PRKCQ: variants seen among roughly 807,000 people sequenced by gnomAD.
The protein encoded by PRKCQ is protein kinase C theta type.
In PRKCQ, 41 loss-of-function variants were observed where a neutral mutation model predicts 91.2. The observed-to-expected ratio is 0.45, with a 90% CI of 0.35 to 0.58. The LOEUF (loss-of-function observed/expected upper bound fraction) is 0.58. PRKCQ is among the 20% of genes least tolerant of loss of function. The pLI, the probability that PRKCQ is intolerant of heterozygous loss-of-function variation, is 0.00. For missense variants in PRKCQ, 673 were observed against 896.5 expected (o/e 0.75, Z 3.18); for synonymous variants, 307 against 316.9 (o/e 0.97, Z 0.33).
intron 9 of PRKCQ, among the ~76,000 whole-genome samples, chr10:6,485,644 A>G (rs1436600330): frequency 6.6e-6 from 1 of 152,226 alleles, no homozygotes; most frequent in African/African-American, 2.4e-5. Context: ...CCAAAACAGT[A>G]AACAGCAGGC....
the PRKCQ span, among the ~76,000 whole-genome samples, chr10:6,403,136 C>T: frequency 6.6e-6 from 1 of 152,216 alleles, no homozygotes; most frequent in East Asian, 1.9e-4. Flanking sequence ...AGGCATAGCA[C>T]CGGGCACTGG....
At chr10:6,498,768 G>T (rs1441368644) in intron 4 of PRKCQ, among the ~76,000 whole-genome samples, 1 of 152,126 alleles carries the variant, frequency 6.6e-6, no homozygotes, top group Non-Finnish European at 1.5e-5. Flanking sequence ...AGGGCATATT[G>T]TTAGAGGGTG....
chr10:6,420,812 A>C, the PRKCQ span, among the ~76,000 whole-genome samples: 1 of 151,570 alleles, frequency 6.6e-6, no homozygotes, highest in Non-Finnish European at 1.5e-5. Flanking sequence ...TTTCAGAAAA[A>C]CTTCTCTCTC....
At chr10:6,526,958 G>C (rs150862362) in intron 1 of PRKCQ, among the ~76,000 whole-genome samples, 2,327 of 152,250 alleles carry the variant, frequency 0.015, 37 homozygotes, top group Non-Finnish European at 0.023. Flanking sequence ...GCAGCGTGCA[G>C]GGATTCCGAT....
At chr10:6,512,242 A>T (rs986899624) in intron 2 of PRKCQ, 2 of 152,258 alleles carry the variant, frequency 1.3e-5, no homozygotes, top group Non-Finnish European at 2.9e-5. Context: ...TCTTGGGTGA[A>T]GATACATTTT....
At position 6,526,901 on chromosome 10, in the gene PRKCQ, T is replaced by C. The variant is rs561362185; in HGVS notation, c.-9-11757A>G. ...AAGAAGAGAGACTACTGGGGGCGAC[T>C]TCACTCTTCCAGTTGATGGTCGGAG... On this transcript the variant is annotated intron_variant, in intron 1 of 17. Transcript: ENST00000263125. Among the ~76,000 whole-genome samples, 20 of 152,266 alleles carry C rather than the reference T, an allele frequency of 1.3e-4. No individual in the cohort carries two copies. In the South Asian group the frequency reaches 4.0e-3, roughly 30 times the overall value.
intron 15 of PRKCQ, among the ~76,000 whole-genome samples, chr10:6,446,121 C>T (rs906167089): frequency 6.6e-5 from 10 of 152,084 alleles, no homozygotes; most frequent in African/African-American, 1.4e-4. Flanking sequence ...GTTTTGCAGA[C>T]GTTATGTCTT....
At chr10:6,542,368 T>G (rs1330652540) in intron 1 of PRKCQ, among the ~76,000 whole-genome samples, 1 of 152,258 alleles carries the variant, frequency 6.6e-6, no homozygotes, top group Non-Finnish European at 1.5e-5. Context: ...TGCATTCTGA[T>G]GTCATGGGAA....
intron 2 of PRKCQ, among the ~76,000 whole-genome samples, chr10:6,514,243 T>G (rs910810039): frequency 6.6e-6 from 1 of 152,166 alleles, no homozygotes; most frequent in African/African-American, 2.4e-5. Flanking sequence ...AGAAAAGGTG[T>G]GCAGTCAGGA....
intron 12 of PRKCQ, among the ~76,000 whole-genome samples, chr10:6,473,199 T>C (rs1230989380): frequency 1.3e-5 from 2 of 152,190 alleles, no homozygotes; most frequent in Admixed American, 1.3e-4. Flanking sequence ...ACCAGCCTTG[T>C]ATGAAAAAAT....
chr10:6,490,081 C>T (rs1045882578), intron 8 of PRKCQ, among the ~76,000 whole-genome samples: 1 of 152,096 alleles, frequency 6.6e-6, no homozygotes, highest in African/African-American at 2.4e-5. Context: ...CTCTTAATAC[C>T]CTGCCTATCC....
intron 1 of PRKCQ, among the ~76,000 whole-genome samples, chr10:6,542,561 T>C (rs542886627): frequency 6.6e-6 from 1 of 152,126 alleles, no homozygotes. Flanking sequence ...TAACACCCTA[T>C]AACACAGCAT....
At chr10:6,508,090 A>G (rs1457681155) in intron 3 of PRKCQ, among the ~76,000 whole-genome samples, 1 of 152,242 alleles carries the variant, frequency 6.6e-6, no homozygotes, top group Non-Finnish European at 1.5e-5. Context: ...GAAGGAATTT[A>G]TAAATGTATA....
downstream of PRKCQ, among the ~76,000 whole-genome samples, chr10:6,426,955 C>T (rs1258115592): frequency 4.6e-5 from 7 of 152,142 alleles, no homozygotes; most frequent in Admixed American, 1.3e-4. Context: ...AGGCTGGTCT[C>T]GAACTCCTGA....
At chr10:6,462,433 A>T (rs1274504485) in intron 13 of PRKCQ, 68 bp from the exon 14 acceptor site, 6 of 1,467,852 alleles carry the variant, frequency 4.1e-6, no homozygotes, top group Non-Finnish European at 5.7e-6. Flanking sequence ...CCAAACCCAG[A>T]CTGACCTTTT....
In PRKCQ at chr10:6,456,832, C is replaced by A; in HGVS notation, c.1509-20G>T. The A allele has an allele frequency of 6.2e-7, 1 of 1,612,538 alleles. No individual in the cohort carries two copies. On this transcript the variant is annotated intron_variant, in intron 14 of 17. Transcript: ENST00000263125. ...AGGTCCCTGAAAAACAAAAGTGAAG[C>A]AAATCTCACATTAATCAATATAATT... is the stretch of plus-strand genomic sequence containing the variant.
At chr10:6,514,886 C>T in intron 2 of PRKCQ, 132 bp downstream of exon 2, 1 of 1,447,140 alleles carries the variant, frequency 6.9e-7, no homozygotes, top group Non-Finnish European at 9.4e-7. Flanking sequence ...CTTTGCTGGG[C>T]ATCAGCGTCC....
rs1835576038 is a variant in PRKCQ, at chr10:6,465,109, T to C, written c.1354-705A>G. Among the ~76,000 whole-genome samples the C allele has an allele frequency of 6.6e-6, 1 of 152,210 alleles. No homozygotes were observed. The highest frequency in any genetic ancestry group is 2.4e-5 in the African/African-American group (1 of 41,462). On this transcript the variant is annotated intron_variant, in intron 12 of 17. Coordinates refer to ENST00000263125, the MANE Select transcript of PRKCQ (RefSeq NM_006257.5). This position sits in a 1 kb window ranked among gnomAD's most constrained non-coding sequence, Gnocchi z 4.4. ...GCAGGGTGATAAGGAGAATGTGTTT[T>C]GGTCTCTGACTCCAAGGGCGGAGCT...
chr10:6,480,283 A>G (rs1186313319), intron 11 of PRKCQ, among the ~76,000 whole-genome samples: 1 of 152,242 alleles, frequency 6.6e-6, no homozygotes, highest in Non-Finnish European at 1.5e-5. Context: ...ACACTCTGCA[A>G]GACAGAAGTT....
Sources: gnomAD v4.1 joint callset for allele counts (sites outside exome capture counted in the v4.1 genomes callset) on GRCh38, gnomAD v4.1.1 for gene constraint, Gnocchi (gnomAD v3.1) non-coding constraint, MANE v1.5 for transcripts, NCBI Gene and HGNC (gene_info 2026-07-23, HGNC 2026-07-21) for gene names.